Variants in ASIC5 observed in about 807,000 individuals in gnomAD.
ASIC5 encodes acid sensing ion channel subunit family member 5, also known as bile acid-sensitive ion channel.
In ASIC5, 52 loss-of-function variants were observed where a neutral mutation model predicts 51.2. That is an observed-to-expected ratio of 1.02 (90% CI 0.81 to 1.28). ASIC5 has a LOEUF of 1.28. Among genes scored for constraint, ASIC5 ranks in the 50% most tolerant of loss-of-function variants. The pLI, the probability that ASIC5 is intolerant of heterozygous loss-of-function variation, is 0.00. For missense variants in ASIC5, 635 were observed against 595.0 expected, an observed-to-expected ratio of 1.07 and a Z score of -0.70; for synonymous variants, 231 against 200.7, an observed-to-expected ratio of 1.15 and a Z score of -1.28.
chr4:155,864,000 T>A (rs1459673669), intron 1 of ASIC5, among the ~76,000 whole-genome samples: 1 of 152,142 alleles, frequency 6.6e-6, no homozygotes, highest in Non-Finnish European at 1.5e-5. Flanking sequence ...TTAATGTAAA[T>A]GTGTTAGTGG....
At chr4:155,846,567 A>G (rs2111245636) in intron 4 of ASIC5, among the ~76,000 whole-genome samples, 1 of 152,274 alleles carries the variant, frequency 6.6e-6, no homozygotes, top group South Asian at 2.1e-4. Context: ...CCAGGAATGA[A>G]CAAGGACAGC....
rs1335009820 is a variant in ASIC5, at chr4:155,852,226, C to G, written c.676G>C (p.Gly226Arg). 3.7e-6 allele frequency: 6 copies of G among 1,610,510 alleles called. No homozygotes were observed. The highest frequency in any genetic ancestry group is 4.2e-6 in the Non-Finnish European group (5 of 1,178,362). The change falls in exon 4 of 10, where the codon GGA becomes CGA. Residue 226 changes from glycine (G) to arginine (R), a missense_variant. Gly to Arg is a moderately radical substitution (Grantham distance 125, BLOSUM62 -2). Transcript: ENST00000537611. Reference protein sequence around the residue: ...LQAKRKVSVSGRGLSLLFNVN... With the variant: ...LQAKRKVSVSRRGLSLLFNVN... Reference sequence around the variant, plus strand: ...TTGAAGAGTAAGCTCAAACCTCTTCCAGAGACACTCACTTTTCTCTTTGCT... The same window carrying G: ...TTGAAGAGTAAGCTCAAACCTCTTCGAGAGACACTCACTTTTCTCTTTGCT...
intron 4 of ASIC5, among the ~76,000 whole-genome samples, chr4:155,846,346 G>T (rs1741241951): frequency 6.6e-6 from 1 of 152,032 alleles, no homozygotes; most frequent in Non-Finnish European, 1.5e-5. Context: ...GCCCCAAACA[G>T]AATGATCATT....
intron 6 of ASIC5, among the ~76,000 whole-genome samples, chr4:155,839,104 T>A (rs1241510800): frequency 6.6e-6 from 1 of 152,186 alleles, no homozygotes; most frequent in Non-Finnish European, 1.5e-5. Flanking sequence ...TCTTTCCATC[T>A]GTCTATATCA....
rs769851677 is a variant in ASIC5 at position 155,854,156 on chromosome 4, A to T, written c.506T>A (p.Phe169Tyr). 6.8e-6 allele frequency: 11 copies of T among 1,613,460 alleles called. No individual in the cohort carries two copies. Among genetic ancestry groups the T allele is most frequent in the Non-Finnish European group, 9.3e-6 (11 of 1,179,648 alleles). ...ASHQNFSIVE[F>Y]IRNKGFYLNN... is the part of the protein sequence containing the mutation. ...GAGATAAAAACCTTTGTTCCTGATA[A>T]ATTCCACAATGCTGAAGTTTTGGTG... The change falls in exon 3 of 10, where the codon TTT becomes TAT. Residue 169 changes from phenylalanine to tyrosine, a missense_variant. By Grantham distance (22) the Phe-to-Tyr change is conservative. Transcript: ENST00000537611.
intron 7 of ASIC5, among the ~76,000 whole-genome samples, chr4:155,837,815 A>G (rs758589054): frequency 2.0e-5 from 3 of 151,796 alleles, no homozygotes; most frequent in Non-Finnish European, 2.9e-5. Flanking sequence ...TTACATACAT[A>G]TACTCTCATG....
chr4:155,859,046 G>A (rs1055183913), intron 2 of ASIC5: 1 of 151,922 alleles, frequency 6.6e-6, no homozygotes, highest in African/African-American at 2.4e-5. Flanking sequence ...TGAGAAAATT[G>A]TAAGAGAGGG....
At chr4:155,850,803 C>T (rs927009689) in intron 4 of ASIC5, among the ~76,000 whole-genome samples, 3 of 151,962 alleles carry the variant, frequency 2.0e-5, no homozygotes, top group African/African-American at 7.2e-5. Context: ...TGAAGATTTA[C>T]ACTATTTCTT....
intron 7 of ASIC5, among the ~76,000 whole-genome samples, chr4:155,837,912 T>A (rs555678224): frequency 6.6e-6 from 1 of 151,884 alleles, no homozygotes; most frequent in African/African-American, 2.4e-5. Flanking sequence ...GCATGCATGG[T>A]TTTTTTCCCC....
intron 2 of ASIC5, among the ~76,000 whole-genome samples, chr4:155,859,094 T>C (rs1004127724): frequency 9.2e-5 from 14 of 152,002 alleles, no homozygotes; most frequent in African/African-American, 3.4e-4. Flanking sequence ...TTTGCAGTTA[T>C]CTATTTAGGA....
At chr4:155,847,388 T>G (rs7692748) in intron 4 of ASIC5, among the ~76,000 whole-genome samples, 10,936 of 151,938 alleles carry the variant, frequency 0.072, 1,028 homozygotes, top group African/African-American at 0.22. Flanking sequence ...AGCAATTAAA[T>G]CCTCATCTTC....
chr4:155,859,366 T>G (rs756565415), intron 2 of ASIC5, among the ~76,000 whole-genome samples: 2 of 152,064 alleles, frequency 1.3e-5, no homozygotes, highest in Non-Finnish European at 2.9e-5. Flanking sequence ...ATTTCATGAC[T>G]ATTACCAAAA....
chr4:155,854,046 T>C (rs770762934), intron 3 of ASIC5, 31 bp downstream of exon 3: 4 of 1,501,190 alleles, frequency 2.7e-6, no homozygotes, highest in East Asian at 2.3e-5. Context: ...CTTATTACTT[T>C]GATTATATTT....
At chr4:155,846,508 T>C (rs1298139836) in intron 4 of ASIC5, among the ~76,000 whole-genome samples, 1 of 152,124 alleles carries the variant, frequency 6.6e-6, no homozygotes, top group Non-Finnish European at 1.5e-5. Flanking sequence ...AAAGGACTGC[T>C]ATTGTCTTTG....
At chr4:155,849,527 A>G (rs1741330576) in intron 4 of ASIC5, among the ~76,000 whole-genome samples, 1 of 152,076 alleles carries the variant, frequency 6.6e-6, no homozygotes, top group South Asian at 2.1e-4. Flanking sequence ...GGGAAATTTT[A>G]TGTCCTAATT....
chr4:155,862,228 G>T (rs1037587065), intron 2 of ASIC5, among the ~76,000 whole-genome samples: 5 of 151,958 alleles, frequency 3.3e-5, no homozygotes, highest in Non-Finnish European at 7.4e-5. Context: ...GGATTGATTT[G>T]TTTCGACTGT....
intron 4 of ASIC5, among the ~76,000 whole-genome samples, chr4:155,846,398 A>G (rs1161133834): frequency 6.6e-6 from 1 of 152,128 alleles, no homozygotes; most frequent in Non-Finnish European, 1.5e-5. Flanking sequence ...ATATTGGTTT[A>G]ATGAAAATAG....
Position 155,829,990 on chromosome 4 carries a change from C to T in ASIC5, c.1384G>A (p.Glu462Lys). 1 of 1,597,566 alleles carries T rather than the reference C, an allele frequency of 6.3e-7. No homozygotes were observed. The highest frequency in any genetic ancestry group is 8.5e-7 in the Non-Finnish European group (1 of 1,171,648). The change falls in exon 10 of 10, where the codon GAA becomes AAA. Residue 462 changes from glutamate to lysine, a missense_variant. Coordinates refer to ENST00000537611, the MANE Select transcript of ASIC5 (RefSeq NM_017419.3). ...TTGGTGAATAGATATTCAATAATTT[C>T]TATGATCGTGATCAGACTGGCCCCA... is the stretch of plus-strand genomic sequence containing the variant. ...FCGASLITIIEIIEYLFTNFY... is the reference protein window; with the variant it reads ...FCGASLITIIKIIEYLFTNFY...
At chr4:155,846,486 G>T (rs755669271) in intron 4 of ASIC5, among the ~76,000 whole-genome samples, 1 of 152,076 alleles carries the variant, frequency 6.6e-6, no homozygotes, top group Admixed American at 6.6e-5. Context: ...GCAGTAAGGA[G>T]GTTTGTTTGG....
Sources: allele counts gnomAD v4.1 joint callset (sites outside exome capture counted in the v4.1 genomes callset), GRCh38; gene constraint gnomAD v4.1.1; transcripts MANE v1.5; gene names NCBI Gene and HGNC (gene_info 2026-07-23, HGNC 2026-07-21).